The following STPG4 variants were observed in gnomAD, a reference collection of about 807,000 sequenced individuals.
The protein encoded by STPG4 is sperm-tail PG-rich repeat containing 4.
Under a neutral mutation model 31.5 loss-of-function variants are expected in STPG4, and 41 were observed. The observed-to-expected ratio is 1.30, with a 90% CI of 1.01 to 1.69. The LOEUF is 1.69. Ranked by LOEUF, STPG4 falls within the 40% of genes most tolerant of loss-of-function variation. The pLI is 0.00. For missense variants in STPG4, 375 were observed against 293.4 expected (o/e 1.28, Z -2.03); for synonymous variants, 141 against 103.0 (o/e 1.37, Z -2.24).
chr2:47,142,884 C>T (rs1488412008), intron 3 of STPG4, among the ~76,000 whole-genome samples: 4 of 97,302 alleles, frequency 4.1e-5, no homozygotes, highest in Non-Finnish European at 7.7e-5. Flanking sequence ...GCTCTTGTTG[C>T]GCAGGCTGGA....
chr2:47,102,631 C>A (rs1445121312), intron 5 of STPG4, among the ~76,000 whole-genome samples: 5 of 151,860 alleles, frequency 3.3e-5, no homozygotes, highest in Non-Finnish European at 7.3e-5. Flanking sequence ...ACCCCCATAT[C>A]CTAGCCTCCC....
intron 3 of STPG4, among the ~76,000 whole-genome samples, chr2:47,150,229 C>T (rs1040216146): frequency 6.6e-6 from 1 of 152,234 alleles, no homozygotes; most frequent in Non-Finnish European, 1.5e-5. Flanking sequence ...TTAAGTTCTA[C>T]GTAAGCCACG....
At chr2:47,105,531 C>T (rs13033613) in intron 5 of STPG4, among the ~76,000 whole-genome samples, 1 of 151,976 alleles carries the variant, frequency 6.6e-6, no homozygotes, top group African/African-American at 2.4e-5. Context: ...GGGAACCAAT[C>T]GAACATGACT....
At chr2:47,107,907 T>C (rs1165498882) in intron 5 of STPG4, among the ~76,000 whole-genome samples, 1 of 152,180 alleles carries the variant, frequency 6.6e-6, no homozygotes, top group Non-Finnish European at 1.5e-5. Context: ...CTAGCTACTC[T>C]GGTGGGGCCT....
At chr2:47,148,435 GA>G (rs979952452) in intron 3 of STPG4, among the ~76,000 whole-genome samples, 2 of 147,538 alleles carry the variant, frequency 1.4e-5, no homozygotes, top group African/African-American at 2.5e-5. Context: ...AATAAAAGTT[GA>G]AAAAAAAATA....
intron 3 of STPG4, among the ~76,000 whole-genome samples, chr2:47,149,205 A>G (rs1236446968): frequency 6.6e-6 from 1 of 152,348 alleles, no homozygotes; most frequent in South Asian, 2.1e-4. Flanking sequence ...AGAAAGAAAC[A>G]GAAAAACTAT....
At chr2:47,145,289 T>C (rs1275404596) in intron 3 of STPG4, among the ~76,000 whole-genome samples, 1 of 152,172 alleles carries the variant, frequency 6.6e-6, no homozygotes, top group Admixed American at 6.5e-5. Context: ...CCCACTGGAA[T>C]TTGAGACCCT....
chr2:47,140,850 G>A (rs1686686856), intron 3 of STPG4, among the ~76,000 whole-genome samples: 1 of 151,752 alleles, frequency 6.6e-6, no homozygotes, highest in South Asian at 2.1e-4. Context: ...ATAATCATAA[G>A]GTGAATGCAG....
intron 3 of STPG4, among the ~76,000 whole-genome samples, chr2:47,139,061 T>C (rs1263752033): frequency 2.6e-5 from 4 of 152,210 alleles, no homozygotes; most frequent in African/African-American, 9.6e-5. Flanking sequence ...GAAATGTGTA[T>C]TCTGCTGTTT....
intron 6 of STPG4, among the ~76,000 whole-genome samples, chr2:47,088,525 G>A (rs145667124): frequency 5.3e-5 from 8 of 152,304 alleles, no homozygotes; most frequent in African/African-American, 1.9e-4. Context: ...CCATCAAACG[G>A]GGCAGAGTAC....
At chr2:47,103,151 C>A (rs144026397) in intron 5 of STPG4, among the ~76,000 whole-genome samples, 3,991 of 151,788 alleles carry the variant, frequency 0.026, 246 homozygotes, top group African/African-American at 0.092. Context: ...GGACTGGAGT[C>A]GTAAACATCT....
intron 2 of STPG4, among the ~76,000 whole-genome samples, chr2:47,151,919 G>GTTT (rs71245620): frequency 4.0e-5 from 3 of 74,814 alleles, no homozygotes; most frequent in African/African-American, 6.0e-5. Context: ...TTTTTGTTTT[G>GTTT]TTTTTTTTTT....
chr2:47,130,358 A>C lies in STPG4; in HGVS notation c.400-98T>G. On this transcript the variant is annotated intron_variant, in intron 3 of 6. Coordinates refer to ENST00000445927, the MANE Select transcript of STPG4 (RefSeq NM_001163561.2). ...ATCTTTTATTTTATGACCATACAAC[A>C]TTGGATAATTCCTTCTTTACTTTAA... 4 of 935,812 alleles carry C rather than the reference A, an allele frequency of 4.3e-6. No individual in the cohort carries two copies. In the East Asian group the frequency reaches 1.0e-4, roughly 23 times the overall value. 58.0% of individuals were successfully genotyped at this position (935,812 alleles called of 1,614,324 possible).
intron 3 of STPG4, among the ~76,000 whole-genome samples, chr2:47,137,313 A>C (rs541251726): frequency 1.3e-5 from 2 of 152,226 alleles, no homozygotes; most frequent in Non-Finnish European, 2.9e-5. Context: ...CCAGCATTGC[A>C]TACCTGGGAT....
chr2:47,128,244 G>A (rs1380764701), intron 5 of STPG4, among the ~76,000 whole-genome samples: 1 of 152,102 alleles, frequency 6.6e-6, no homozygotes, highest in Non-Finnish European at 1.5e-5. Flanking sequence ...AGGGACGGGT[G>A]ACACAAGCAC....
At position 47,133,869 on chromosome 2, in the gene STPG4, G is replaced by A. The variant is rs1001258256; in HGVS notation, c.400-3609C>T. ...TGGGATTATAGACATGAGACACAGC[G>A]CCCGGCCAGGCACTCAAATCTTATG... is the stretch of plus-strand genomic sequence containing the variant. On this transcript the variant is annotated intron_variant, in intron 3 of 6. Transcript: ENST00000445927. Among the ~76,000 whole-genome samples, 6 of 151,920 alleles carry A rather than the reference G, an allele frequency of 3.9e-5. No individual in the cohort carries two copies. The South Asian group carries it at 6.2e-4, about 16-fold the overall frequency.
intron 1 of STPG4, among the ~76,000 whole-genome samples, chr2:47,153,705 A>G (rs116096899): frequency 0.15 from 22,812 of 152,162 alleles, 2,123 homozygotes; most frequent in African/African-American, 0.25. Context: ...CTCCGTAGGC[A>G]GAGGTTGCAG....
At chr2:47,113,976 G>A (rs1162377898) in intron 5 of STPG4, among the ~76,000 whole-genome samples, 1 of 151,472 alleles carries the variant, frequency 6.6e-6, no homozygotes, top group East Asian at 1.9e-4. Flanking sequence ...AGAGCTTGCA[G>A]TGAGCCGAGA....
intron 3 of STPG4, among the ~76,000 whole-genome samples, chr2:47,144,073 G>A (rs1194212703): frequency 6.6e-6 from 1 of 152,124 alleles, no homozygotes; most frequent in Non-Finnish European, 1.5e-5. Context: ...AGTTTAAACT[G>A]ACTTCAGGTT....
Sources: gnomAD v4.1 joint callset for allele counts (sites outside exome capture counted in the v4.1 genomes callset) on GRCh38, gnomAD v4.1.1 for gene constraint, MANE v1.5 for transcripts, NCBI Gene and HGNC (gene_info 2026-07-23, HGNC 2026-07-21) for gene names.